L3MBTL4: variants seen among roughly 807,000 people sequenced by gnomAD.
The protein encoded by L3MBTL4 is L3MBTL histone methyl-lysine binding protein 4, also known as lethal(3)malignant brain tumor-like protein 4.
A neutral mutation model predicts 84.5 loss-of-function variants in L3MBTL4; 70 were observed. The ratio of observed to expected loss-of-function variants is 0.83; its 90% CI spans 0.68 to 1.01. The LOEUF is 1.01. Ranked by LOEUF, L3MBTL4 falls within the 50% of genes least tolerant of loss-of-function variation. The pLI is 0.00. For synonymous variants in L3MBTL4, 274 were observed against 259.8 expected, an observed-to-expected ratio of 1.05 and a Z score of -0.52; for missense variants, 715 against 754.8, an observed-to-expected ratio of 0.95 and a Z score of 0.62.
At chr18:6,276,298 G>A (rs2049075453) in intron 4 of L3MBTL4, among the ~76,000 whole-genome samples, 1 of 152,168 alleles carries the variant, frequency 6.6e-6, no homozygotes, top group African/African-American at 2.4e-5. Context: ...TCCTGAGGGC[G>A]CAGCCTTAAC....
chr18:5,965,374 T>C (rs1464907446), intron 17 of L3MBTL4, among the ~76,000 whole-genome samples: 1 of 152,208 alleles, frequency 6.6e-6, no homozygotes, highest in Non-Finnish European at 1.5e-5. Context: ...GGCTGTGCTT[T>C]CACTTAACCT....
intron 12 of L3MBTL4, among the ~76,000 whole-genome samples, chr18:6,186,656 C>A (rs1489021578): frequency 6.6e-6 from 1 of 151,990 alleles, no homozygotes; most frequent in Non-Finnish European, 1.5e-5. Context: ...AGGTGGAGGG[C>A]AGTCCAAGGG....
At chr18:6,135,056 A>G (rs1301808959) in intron 14 of L3MBTL4, among the ~76,000 whole-genome samples, 2 of 152,198 alleles carry the variant, frequency 1.3e-5, no homozygotes, top group Non-Finnish European at 2.9e-5. Context: ...CCAAACCTCA[A>G]TCTTGACTTC....
At chr18:6,075,353 G>A (rs971644576) in intron 16 of L3MBTL4, among the ~76,000 whole-genome samples, 4 of 151,926 alleles carry the variant, frequency 2.6e-5, no homozygotes, top group Non-Finnish European at 4.4e-5. Flanking sequence ...GGAATAGAAC[G>A]GAGTCCAGAA....
At chr18:6,035,493 G>A (rs1232933186) in intron 16 of L3MBTL4, among the ~76,000 whole-genome samples, 1 of 151,710 alleles carries the variant, frequency 6.6e-6, no homozygotes, top group East Asian at 1.9e-4. Flanking sequence ...GCTCTGTTCT[G>A]TTCCATTGAT....
chr18:6,099,199 C>T (rs952176815), intron 14 of L3MBTL4, among the ~76,000 whole-genome samples: 3 of 152,136 alleles, frequency 2.0e-5, no homozygotes, highest in South Asian at 4.1e-4. Flanking sequence ...AAATAACCCG[C>T]CCCATTTCAG....
At chr18:6,101,926 C>T (rs960913772) in intron 14 of L3MBTL4, among the ~76,000 whole-genome samples, 25 of 152,258 alleles carry the variant, frequency 1.6e-4, no homozygotes, top group African/African-American at 6.0e-4. Context: ...CATTGAAAGA[C>T]CCCTTCCATC....
At chr18:6,118,754 T>TA (rs2059434917) in intron 14 of L3MBTL4, among the ~76,000 whole-genome samples, 1 of 152,164 alleles carries the variant, frequency 6.6e-6, no homozygotes, top group African/African-American at 2.4e-5. Flanking sequence ...AAACATAACA[T>TA]AAAAATTTCA....
At chr18:6,156,978 C>T (rs1418738399) in intron 13 of L3MBTL4, among the ~76,000 whole-genome samples, 1 of 152,194 alleles carries the variant, frequency 6.6e-6, no homozygotes, top group African/African-American at 2.4e-5. Flanking sequence ...GGATTCTGCC[C>T]TCACACCTCC....
intron 4 of L3MBTL4, among the ~76,000 whole-genome samples, chr18:6,296,073 A>G (rs555411929): frequency 1.3e-5 from 2 of 152,320 alleles, no homozygotes; most frequent in African/African-American, 2.4e-5. Context: ...TTTAGAAAAT[A>G]CCAACATTAG....
At chr18:5,965,589 C>G (rs2052313340) in intron 17 of L3MBTL4, among the ~76,000 whole-genome samples, 1 of 152,192 alleles carries the variant, frequency 6.6e-6, no homozygotes. Flanking sequence ...ACTGTGGCCT[C>G]TCTAAGCAGC....
chr18:6,398,505 T>A (rs1446719878), intron 1 of L3MBTL4, among the ~76,000 whole-genome samples: 1 of 152,138 alleles, frequency 6.6e-6, no homozygotes, highest in African/African-American at 2.4e-5. Context: ...TCTGGGGAGC[T>A]GAGCTCATAA....
intron 16 of L3MBTL4, among the ~76,000 whole-genome samples, chr18:5,976,407 G>A (rs918364826): frequency 6.6e-6 from 1 of 152,214 alleles, no homozygotes; most frequent in East Asian, 1.9e-4. Flanking sequence ...CTGGGATGGT[G>A]TGTGTCCAGA....
At chr18:6,032,385 TACACACACACACAC>T (rs111595039) in intron 16 of L3MBTL4, 2 of 346,922 alleles carry the variant, frequency 5.8e-6, no homozygotes, top group African/African-American at 2.3e-5. Context: ...TGAAATATGT[TACACACACACACAC>T]ACACACACAC....
At chr18:6,107,519 G>A (rs2059051282) in intron 14 of L3MBTL4, among the ~76,000 whole-genome samples, 1 of 152,164 alleles carries the variant, frequency 6.6e-6, no homozygotes. Context: ...GGAGTTGTTG[G>A]ATCTGAACAC....
At chr18:6,074,547 A>G (rs1157938763) in intron 16 of L3MBTL4, among the ~76,000 whole-genome samples, 1 of 152,212 alleles carries the variant, frequency 6.6e-6, no homozygotes, top group African/African-American at 2.4e-5. Context: ...TTATTTATGT[A>G]ATGATTTGTA....
At chr18:6,032,097 C>A in intron 16 of L3MBTL4, 1 of 209,556 alleles carries the variant, frequency 4.8e-6, no homozygotes, top group Non-Finnish European at 9.1e-6. Flanking sequence ...CCTGCCTCAG[C>A]TTCCCCAGTA....
At chr18:6,190,302 G>A (rs1365181300) in intron 12 of L3MBTL4, among the ~76,000 whole-genome samples, 1 of 152,196 alleles carries the variant, frequency 6.6e-6, no homozygotes, top group Non-Finnish European at 1.5e-5. Context: ...GGCTGACGAG[G>A]CTTTGAGAGA....
intron 1 of L3MBTL4, among the ~76,000 whole-genome samples, chr18:6,339,544 A>G (rs1373347943): frequency 6.6e-6 from 1 of 151,788 alleles, no homozygotes; most frequent in East Asian, 1.9e-4. Context: ...TGAGCTAGAA[A>G]AGGAACAGAA....
Sources: gnomAD v4.1 joint callset for allele counts (sites outside exome capture counted in the v4.1 genomes callset) on GRCh38, gnomAD v4.1.1 for gene constraint, MANE v1.5 for transcripts, NCBI Gene and HGNC (gene_info 2026-07-23, HGNC 2026-07-21) for gene names.